WEE1: variants seen among roughly 807,000 people sequenced by gnomAD.
WEE1 encodes wee1-like protein kinase.
WEE1 carries 16 observed loss-of-function variants against 68.8 expected under a neutral mutation model. The ratio of observed to expected loss-of-function variants is 0.23; its 90% confidence interval spans 0.16 to 0.35. WEE1 has a LOEUF of 0.35. Among genes scored for constraint, WEE1 ranks in the 10% least tolerant of loss-of-function variants. The pLI, the probability that WEE1 is intolerant of heterozygous loss-of-function variation, is 1.00. For missense variants in WEE1, 651 were observed against 824.1 expected, an observed-to-expected ratio of 0.79 and a Z score of 2.57; for synonymous variants, 349 against 318.7, an observed-to-expected ratio of 1.09 and a Z score of -1.01.
Position 9,574,964 on chromosome 11 carries a change from C to T in WEE1, c.576+455C>T. 1.2e-5 allele frequency: 12 copies of T among 985,662 alleles called. No individual in the cohort carries two copies. The highest frequency in any genetic ancestry group is 1.4e-5 in the Non-Finnish European group (12 of 830,130). 61.1% of individuals were successfully genotyped at this position (985,662 alleles called of 1,614,324 possible). A position where few individuals can be genotyped will look rare whatever the true frequency, so the allele number is the denominator to read the frequency against. On this transcript the variant is annotated intron_variant, in intron 1 of 10. Transcript: ENST00000450114. The surrounding 1 kb of genome is among the most constrained non-coding windows in gnomAD (Gnocchi z 4.9). ...AGTTTAAAGAAAAATAATTGTCCCG[C>T]CCTGATCGTGTCGTGTCGTGTGGCG...
chr11:9,585,371 A>T lies in WEE1; in HGVS notation c.1384+18A>T. ...TAAAATAGGTAAGAAAGGTAATCAG[A>T]TTATTACCTTCAGATAAAGAGAAGG... On this transcript the variant is annotated intron_variant, in intron 7 of 10. Transcript: ENST00000450114. The T allele has an allele frequency of 6.2e-7, 1 of 1,605,766 alleles. No individual in the cohort carries two copies. The highest frequency in any genetic ancestry group is 8.5e-7 in the Non-Finnish European group (1 of 1,173,196).
chr11:9,575,570 T>C (rs1160203705), intron 1 of WEE1: 3 of 346,332 alleles, frequency 8.7e-6, no homozygotes, highest in Non-Finnish European at 1.5e-5. Context: ...CTCGGACTGC[T>C]TTCTATTTTT....
At position 9,574,795 on chromosome 11, in the gene WEE1, C is replaced by CGTGTCAGCCCCGAGT. The variant is rs1192746369; in HGVS notation, c.576+288_576+302dup. ...CCCGTTGAGTCCGGGCCGCCCCGAG[C>CGTGTCAGCCCCGAGT]GTGTCAGCCCCGAGTGCGGCACCGA... On this transcript the variant is annotated intron_variant, in intron 1 of 10. Coordinates refer to ENST00000450114, the MANE Select transcript of WEE1 (RefSeq NM_003390.4). This position sits in a 1 kb window ranked among gnomAD's most constrained non-coding sequence, Gnocchi z 4.9. The CGTGTCAGCCCCGAGT allele has an allele frequency of 3.0e-6, 3 of 1,005,178 alleles. No individual in the cohort carries two copies. The African/African-American group carries it at 5.2e-5, about 17-fold the overall frequency. The allele number at this position is 1,005,178 out of a possible 1,614,324, so 62.3% of individuals were successfully genotyped here.
rs1478253696 is a variant in WEE1 at position 9,588,517 on chromosome 11, C to T, written c.1856C>T (p.Ala619Val). 1.2e-6 allele frequency: 2 copies of T among 1,612,470 alleles called. No individual in the cohort carries two copies. Among genetic ancestry groups the T allele is most frequent in the South Asian group, 1.1e-5 (1 of 90,776 alleles). Residue 619 changes from alanine (A) to valine (V), a missense_variant, in exon 11 of 11, where the codon GCC becomes GTC. This residue lies in a region of WEE1 where 115 missense variants were observed against 142.7 expected (regional missense o/e 0.81). Coordinates refer to ENST00000450114, the MANE Select transcript of WEE1 (RefSeq NM_003390.4). ...EERALFTDRM[A>V]TRSTTQSNRT... ...AGAGCACTCTTCACTGACCGGATGG[C>T]CACTAGGTCCACCACCCAGAGTAAT...
chr11:9,577,387 C>G (rs959934831), intron 5 of WEE1, 124 bp downstream of exon 5: 2 of 1,259,252 alleles, frequency 1.6e-6, no homozygotes, highest in African/African-American at 1.5e-5. Context: ...AGATCAGAGA[C>G]CTAACATAAA....
chr11:9,588,320 G>A, intron 10 of WEE1, 129 bp from the exon 11 acceptor site: 1 of 571,718 alleles, frequency 1.7e-6, no homozygotes, highest in African/African-American at 1.9e-5. Context: ...TCAGTTTCCT[G>A]TTTTATTTTT....
At chr11:9,575,788 A>T in intron 1 of WEE1, 100 bp from the exon 2 acceptor site, 1 of 960,036 alleles carries the variant, frequency 1.0e-6, no homozygotes, top group Non-Finnish European at 1.6e-6. Context: ...GCTTTCACCT[A>T]CGCATTCAGC....
In WEE1 at chr11:9,586,599, G is replaced by A. The variant is rs1299496701; in HGVS notation, c.1621G>A (p.Glu541Lys). The A allele has an allele frequency of 8.7e-6, 14 of 1,613,942 alleles. No individual in the cohort carries two copies. The highest frequency in any genetic ancestry group is 1.6e-4 in the Middle Eastern group (1 of 6,084). ...LPRIPQVLSQ[E>K]FTELLKVMIH... is the part of the protein sequence containing the mutation. ...TCGGATACCACAAGTGCTTTCCCAA[G>A]AATTTACAGAGTTGCTAAAAGTGAG... The change falls in exon 9 of 11, where the codon GAA (glutamate) becomes AAA (lysine). Residue 541 changes from glutamate (E) to lysine (K), a missense_variant. Coordinates refer to ENST00000450114, the MANE Select transcript of WEE1 (RefSeq NM_003390.4).
Position 9,576,253 on chromosome 11 carries a change from C to G in WEE1, c.806C>G (p.Ala269Gly). Residue 269 changes from alanine (A) to glycine (G), a missense_variant, in exon 3 of 11, where the codon GCC becomes GGC. Transcript: ENST00000450114. The surrounding 1 kb of genome is among the most constrained non-coding windows in gnomAD (Gnocchi z 4.3). Reference protein sequence around the residue: ...WNDSCGEDMEASDYELEDETR... With the variant: ...WNDSCGEDMEGSDYELEDETR... ...AGTTCCTGTGGTGAAGACATGGAAGCCAGTGATTATGAGCTTGAAGATGAA... is the reference window on the plus strand; with the variant it reads ...AGTTCCTGTGGTGAAGACATGGAAGGCAGTGATTATGAGCTTGAAGATGAA... 1 of 1,515,762 alleles carries G rather than the reference C, an allele frequency of 6.6e-7. No individual in the cohort carries two copies. Among genetic ancestry groups the G allele is most frequent in the Non-Finnish European group, 9.0e-7 (1 of 1,114,010 alleles). The allele number at this position is 1,515,762 out of a possible 1,614,324, so 93.9% of individuals were successfully genotyped here. A position where few individuals can be genotyped will look rare whatever the true frequency, so the allele number is the denominator to read the frequency against.
At position 9,589,179 on chromosome 11, in the gene WEE1, T is replaced by G; in HGVS notation, c.*577T>G. ...TTTTAGTTTTGTCTTTGCTGTAAAC[T>G]TGTAGCATTAAACAATCATTGTTGT... On this transcript the variant is annotated 3_prime_UTR_variant, in exon 11 of 11. Transcript: ENST00000450114. 1 of 985,860 alleles carries G rather than the reference T, an allele frequency of 1.0e-6. No individual in the cohort carries two copies. The highest frequency in any genetic ancestry group is 1.7e-5 in the African/African-American group (1 of 57,366). The allele number at this position is 985,860 out of a possible 1,614,324, so 61.1% of individuals were successfully genotyped here.
rs1362022454 is a variant in WEE1, at chr11:9,576,337, G to A, written c.846+44G>A. On this transcript the variant is annotated intron_variant, in intron 3 of 10. Transcript: ENST00000450114. The surrounding 1 kb of genome is among the most constrained non-coding windows in gnomAD (Gnocchi z 4.3). The stretch of plus-strand genomic sequence containing the variant: ...TTATTTTTTTGAAATTTACTTTTCT[G>A]CCACTTAAAGCATGCTATGAATATG... 2.0e-6 allele frequency: 3 copies of A among 1,531,266 alleles called. No individual in the cohort carries two copies. The African/African-American group carries it at 4.2e-5, about 21-fold the overall frequency. The allele number at this position is 1,531,266 out of a possible 1,614,324, so 94.9% of individuals were successfully genotyped here. A position where few individuals can be genotyped will look rare whatever the true frequency, so the allele number is the denominator to read the frequency against.
chr11:9,574,183 G>A lies in WEE1; in HGVS notation c.250G>A (p.Gly84Ser). The A allele has an allele frequency of 8.6e-7, 1 of 1,168,018 alleles. No individual in the cohort carries two copies. The highest frequency in any genetic ancestry group is 1.1e-6 in the Non-Finnish European group (1 of 948,644). The allele number at this position is 1,168,018 out of a possible 1,614,324, so 72.4% of individuals were successfully genotyped here. A position where few individuals can be genotyped will look rare whatever the true frequency, so the allele number is the denominator to read the frequency against. ...CCGCCGCTCGCCCGGGCCGGCCCCC[G>A]GCAGCCCCGGCGAGCTGGAGGAGGA... ...ERRRSPGPAP[G>S]SPGELEEDLL... The change falls in exon 1 of 11, where the codon GGC (glycine) becomes AGC (serine). Residue 84 changes from glycine (G) to serine (S), a missense_variant. Around this residue, in one of 5 missense-constraint regions of WEE1, gnomAD observed 395 missense variants for 378.4 expected, o/e 1.04. Transcript: ENST00000450114. The surrounding 1 kb of genome is among the most constrained non-coding windows in gnomAD (Gnocchi z 4.9).
chr11:9,578,833 C>G (rs970731241), intron 5 of WEE1: 6 of 151,916 alleles, frequency 3.9e-5, no homozygotes, highest in African/African-American at 1.5e-4. Flanking sequence ...TTACAAAAAC[C>G]TTGTCCTGTA....
At chr11:9,583,412 C>G (rs1454163608) in intron 6 of WEE1, among the ~76,000 whole-genome samples, 1 of 151,780 alleles carries the variant, frequency 6.6e-6, no homozygotes, top group African/African-American at 2.4e-5. Context: ...CTTGGGAGTT[C>G]ACCACCAGCC....
In WEE1 at chr11:9,574,160, G is replaced by T; in HGVS notation, c.227G>T (p.Arg76Leu). The change falls in exon 1 of 11, where the codon CGC becomes CTC. Residue 76 changes from arginine to leucine, a missense_variant. Physicochemically the swap from Arg to Leu is moderately radical, Grantham distance 102. Transcript: ENST00000450114. The surrounding 1 kb of genome is among the most constrained non-coding windows in gnomAD (Gnocchi z 4.9). ...CCCACGGAGCCCGGGCCCGAGCGCCGCCGCTCGCCCGGGCCGGCCCCCGGC... is the reference window on the plus strand; with the variant it reads ...CCCACGGAGCCCGGGCCCGAGCGCCTCCGCTCGCCCGGGCCGGCCCCCGGC... The part of the protein sequence containing the change: ...RSPTEPGPER[R>L]RSPGPAPGSP... 2 of 1,188,002 alleles carry T rather than the reference G, an allele frequency of 1.7e-6. No homozygotes were observed. The highest frequency in any genetic ancestry group is 2.1e-6 in the Non-Finnish European group (2 of 960,650). 73.6% of individuals were successfully genotyped at this position (1,188,002 alleles called of 1,614,324 possible). A position where few individuals can be genotyped will look rare whatever the true frequency, so the allele number is the denominator to read the frequency against.
chr11:9,580,465 T>TC (rs201700944), intron 5 of WEE1: 8 of 143,614 alleles, frequency 5.6e-5, no homozygotes, highest in East Asian at 2.0e-4. Flanking sequence ...TTTCTTTCTT[T>TC]TTTTTTTTTT....
chr11:9,576,358 A>G lies in WEE1; in HGVS notation c.846+65A>G. ...TTCTGCCACTTAAAGCATGCTATGA[A>G]TATGTTAATAAGCATTAACACATAA... On this transcript the variant is annotated intron_variant, in intron 3 of 10. Transcript: ENST00000450114. This position sits in a 1 kb window ranked among gnomAD's most constrained non-coding sequence, Gnocchi z 4.3. 1 of 1,538,228 alleles carries G rather than the reference A, an allele frequency of 6.5e-7. No individual in the cohort carries two copies.
rs573569500 is a variant in WEE1 at position 9,576,902 on chromosome 11, G to A, written c.1020-240G>A. Among the ~76,000 whole-genome samples, 24 of 152,272 alleles carry A rather than the reference G, an allele frequency of 1.6e-4. No individual in the cohort carries two copies. The highest frequency in any genetic ancestry group is 5.3e-4 in the African/African-American group (22 of 41,556). On this transcript the variant is annotated intron_variant, in intron 4 of 10. Transcript: ENST00000450114. This position sits in a 1 kb window ranked among gnomAD's most constrained non-coding sequence, Gnocchi z 4.3. Reference sequence around the variant, plus strand: ...AGCATCCATGAATTCACAGTAAAATGGAGTTTATTCTTACCTGAGTCCTAG... The same window carrying A: ...AGCATCCATGAATTCACAGTAAAATAGAGTTTATTCTTACCTGAGTCCTAG...
At position 9,576,796 on chromosome 11, in the gene WEE1, T is replaced by A; in HGVS notation, c.1019+137T>A. 1.1e-6 allele frequency: 1 copy of A among 890,694 alleles called. No individual in the cohort carries two copies. Among genetic ancestry groups the A allele is most frequent in the Non-Finnish European group, 1.7e-6 (1 of 598,556 alleles). The allele number at this position is 890,694 out of a possible 1,614,324, so 55.2% of individuals were successfully genotyped here. A position where few individuals can be genotyped will look rare whatever the true frequency, so the allele number is the denominator to read the frequency against. On this transcript the variant is annotated intron_variant, in intron 4 of 10. Coordinates refer to ENST00000450114, the MANE Select transcript of WEE1 (RefSeq NM_003390.4). The surrounding 1 kb of genome is among the most constrained non-coding windows in gnomAD (Gnocchi z 4.3). Reference sequence around the variant, plus strand: ...ATGATTTAATCAGGTCCTTTTCACTTAATACCATCAGTTCTTATTGGACTT... The same window carrying A: ...ATGATTTAATCAGGTCCTTTTCACTAAATACCATCAGTTCTTATTGGACTT...
Sources: gnomAD v4.1 joint callset for allele counts (sites outside exome capture counted in the v4.1 genomes callset) on GRCh38, gnomAD v4.1.1 for gene constraint, gnomAD v4.1.1 regional missense constraint, Gnocchi (gnomAD v3.1) non-coding constraint, MANE v1.5 for transcripts, NCBI Gene and HGNC (gene_info 2026-07-23, HGNC 2026-07-21) for gene names.